The following BTRC variants were observed in gnomAD, a reference collection of about 807,000 sequenced individuals.
The protein encoded by BTRC is F-box/WD repeat-containing protein 1A.
In BTRC, 42 loss-of-function variants were observed where a neutral mutation model predicts 85.5. That is an observed-to-expected ratio of 0.49 (90% CI 0.38 to 0.64). The LOEUF (loss-of-function observed/expected upper bound fraction) is 0.64. Ranked by LOEUF, BTRC falls within the 30% of genes least tolerant of loss-of-function variation. The pLI is 0.00. For synonymous variants in BTRC, 255 were observed against 263.3 expected, an observed-to-expected ratio of 0.97 and a Z score of 0.30; for missense variants, 594 against 743.5, an observed-to-expected ratio of 0.80 and a Z score of 2.34.
Position 101,553,793 on chromosome 10 carries a change from GC to G in BTRC, c.*674del. The G allele has an allele frequency of 6.5e-6, 1 of 152,738 alleles. No homozygotes were observed. Among genetic ancestry groups the G allele is most frequent in the East Asian group, 1.9e-4 (1 of 5,182 alleles). 9.5% of individuals were successfully genotyped at this position (152,738 alleles called of 1,614,324 possible). ...TTCCTCTTCCCATCTACTCCCCTAC[GC>G]CCCTTCAACCTTTTTTCTCTGTCTG... On this transcript the variant is annotated 3_prime_UTR_variant, in exon 15 of 15. Coordinates refer to ENST00000370187, the MANE Select transcript of BTRC (RefSeq NM_033637.4).
At chr10:101,466,695 A>G (rs1010918643) in intron 3 of BTRC, among the ~76,000 whole-genome samples, 7 of 152,216 alleles carry the variant, frequency 4.6e-5, no homozygotes, top group South Asian at 2.1e-4. Flanking sequence ...CAGGTTTTCA[A>G]CACCTTGCAC....
intron 1 of BTRC, among the ~76,000 whole-genome samples, chr10:101,374,497 T>C (rs894391737): frequency 5.4e-5 from 8 of 148,626 alleles, no homozygotes; most frequent in Non-Finnish European, 1.2e-4. Context: ...ATGGATGAAA[T>C]TGGAAATCAT....
chr10:101,448,055 A>G (rs1192974954), intron 2 of BTRC, among the ~76,000 whole-genome samples: 1 of 152,186 alleles, frequency 6.6e-6, no homozygotes, highest in Non-Finnish European at 1.5e-5. Context: ...GTGGAAAGCA[A>G]TGGCAGCATA....
intron 4 of BTRC, among the ~76,000 whole-genome samples, chr10:101,503,342 T>C (rs1321760031): frequency 6.6e-6 from 1 of 152,188 alleles, no homozygotes; most frequent in Non-Finnish European, 1.5e-5. Flanking sequence ...TTCATTGTCA[T>C]TGAAAAGAGG....
intron 9 of BTRC, 64 bp downstream of exon 9, chr10:101,533,134 G>T: frequency 8.1e-7 from 1 of 1,232,900 alleles, no homozygotes; most frequent in Non-Finnish European, 1.2e-6. Flanking sequence ...CTTTGTCATA[G>T]ATAGTAATTT....
At chr10:101,483,148 A>T (rs1366531762) in intron 4 of BTRC, among the ~76,000 whole-genome samples, 2 of 152,186 alleles carry the variant, frequency 1.3e-5, no homozygotes, top group African/African-American at 4.8e-5. Context: ...TTTGCCAGAA[A>T]TATCATAGTC....
chr10:101,414,104 A>T (rs1008408703), intron 1 of BTRC, among the ~76,000 whole-genome samples: 1 of 152,040 alleles, frequency 6.6e-6, no homozygotes, highest in African/African-American at 2.4e-5. Flanking sequence ...GAAATTCTAT[A>T]CTCATTAAAT....
intron 13 of BTRC, among the ~76,000 whole-genome samples, chr10:101,547,397 A>G (rs552374014): frequency 2.2e-5 from 3 of 133,836 alleles, no homozygotes; most frequent in East Asian, 4.5e-4. Context: ...GAGTAGTGCA[A>G]TGGCGCAATC....
At chr10:101,365,825 T>C (rs1590203609) in intron 1 of BTRC, among the ~76,000 whole-genome samples, 1 of 152,280 alleles carries the variant, frequency 6.6e-6, no homozygotes, top group East Asian at 1.9e-4. Flanking sequence ...TGAATATATA[T>C]CATAATCGGA....
intron 13 of BTRC, 140 bp downstream of exon 13, chr10:101,538,511 A>C (rs926905058): frequency 7.3e-6 from 5 of 683,042 alleles, no homozygotes; most frequent in Non-Finnish European, 1.3e-5. Context: ...CAACCAGTAC[A>C]TGACAATAAA....
chr10:101,417,986 A>G (rs1381619591), intron 1 of BTRC, among the ~76,000 whole-genome samples: 1 of 152,210 alleles, frequency 6.6e-6, no homozygotes, highest in Non-Finnish European at 1.5e-5. Context: ...TAATGGAGTC[A>G]TAGATTTCAA....
chr10:101,416,896 T>A (rs1275416169), intron 1 of BTRC, among the ~76,000 whole-genome samples: 2 of 152,196 alleles, frequency 1.3e-5, no homozygotes, highest in African/African-American at 4.8e-5. Flanking sequence ...TGATAATAAT[T>A]ACTACATTAT....
chr10:101,502,298 G>A (rs1009217152), intron 4 of BTRC, among the ~76,000 whole-genome samples: 3 of 151,858 alleles, frequency 2.0e-5, no homozygotes, highest in Non-Finnish European at 4.4e-5. Flanking sequence ...TGAGAGTCTT[G>A]TTACCATTCT....
At chr10:101,529,802 A>T (rs1307488378) in intron 6 of BTRC, among the ~76,000 whole-genome samples, 2 of 152,230 alleles carry the variant, frequency 1.3e-5, no homozygotes, top group East Asian at 3.8e-4. Flanking sequence ...TGGAGACACC[A>T]AACAATTAAT....
chr10:101,370,181 A>G (rs1942592509), intron 1 of BTRC, among the ~76,000 whole-genome samples: 1 of 152,190 alleles, frequency 6.6e-6, no homozygotes, highest in African/African-American at 2.4e-5. Flanking sequence ...GCAGTGGCAC[A>G]ATCACAGCTC....
intron 3 of BTRC, among the ~76,000 whole-genome samples, chr10:101,464,175 C>T (rs561309089): frequency 1.3e-5 from 2 of 152,240 alleles, no homozygotes; most frequent in African/African-American, 4.8e-5. Context: ...AGCTAACAAA[C>T]GAATTTTCTC....
intron 2 of BTRC, among the ~76,000 whole-genome samples, chr10:101,446,985 A>G (rs1211898867): frequency 1.9e-5 from 2 of 103,102 alleles, no homozygotes; most frequent in Admixed American, 1.4e-4. Flanking sequence ...TGGGGCATGA[A>G]TACTGTGGGG....
At chr10:101,443,157 C>T (rs1449867518) in intron 2 of BTRC, among the ~76,000 whole-genome samples, 1 of 152,098 alleles carries the variant, frequency 6.6e-6, no homozygotes, top group Non-Finnish European at 1.5e-5. Flanking sequence ...GCTGGGATTA[C>T]GAGCATGAGC....
At chr10:101,354,348 G>A (rs2134449568) in intron 1 of BTRC, 120 bp downstream of exon 1, 1 of 1,143,372 alleles carries the variant, frequency 8.7e-7, no homozygotes, top group Non-Finnish European at 1.2e-6. Context: ...GCTGGCGGCG[G>A]AGCGGCTGGA....
Sources: gnomAD v4.1 joint callset for allele counts (sites outside exome capture counted in the v4.1 genomes callset) on GRCh38, gnomAD v4.1.1 for gene constraint, MANE v1.5 for transcripts, NCBI Gene and HGNC (gene_info 2026-07-23, HGNC 2026-07-21) for gene names.